ETHE1: variants seen among roughly 807,000 people sequenced by gnomAD.
The protein encoded by ETHE1 is ETHE1 persulfide dioxygenase.
A neutral mutation model predicts 25.7 loss-of-function variants in ETHE1; 16 were observed. That is an observed-to-expected ratio of 0.62 (90% CI 0.42 to 0.95). The LOEUF is 0.95. Ranked by LOEUF, ETHE1 falls within the 40% of genes least tolerant of loss-of-function variation. ETHE1 has a pLI of 0.00. For missense variants in ETHE1, 300 were observed against 333.6 expected (o/e 0.90, Z 0.79); for synonymous variants, 139 against 135.9 (o/e 1.02, Z -0.16).
intron 3 of ETHE1, among the ~76,000 whole-genome samples, chr19:43,519,771 G>A (rs1254966452): frequency 1.3e-5 from 2 of 152,058 alleles, no homozygotes. Flanking sequence ...ATCTGCCTGG[G>A]ATACATTTCA....
intron 3 of ETHE1, among the ~76,000 whole-genome samples, chr19:43,519,076 C>T (rs1376026656): frequency 7.9e-6 from 1 of 127,022 alleles, no homozygotes. Flanking sequence ...GTGGTGCGAT[C>T]TCGTCTCACT....
chr19:43,521,151 G>A (rs897877090), intron 3 of ETHE1, among the ~76,000 whole-genome samples: 2 of 152,004 alleles, frequency 1.3e-5, no homozygotes, highest in African/African-American at 4.8e-5. Flanking sequence ...TGGCAGTATG[G>A]CGAAACCCCA....
chr19:43,512,885 C>G (rs538838543), intron 3 of ETHE1, among the ~76,000 whole-genome samples: 21 of 152,206 alleles, frequency 1.4e-4, no homozygotes, highest in Non-Finnish European at 2.8e-4. Context: ...CAGCCTCTCC[C>G]AACACAGGTC....
chr19:43,517,655 A>AATCCC (rs1178114261), intron 3 of ETHE1, among the ~76,000 whole-genome samples: 1 of 151,906 alleles, frequency 6.6e-6, no homozygotes, highest in African/African-American at 2.4e-5. Context: ...TGATGTCTGT[A>AATCCC]ATCCCAGCTA....
chr19:43,509,397 T>C (rs1971860847), intron 4 of ETHE1, among the ~76,000 whole-genome samples: 1 of 151,320 alleles, frequency 6.6e-6, no homozygotes, highest in Non-Finnish European at 1.5e-5. Context: ...TTTGGGAGGC[T>C]GAGGCAGGAG....
intron 3 of ETHE1, among the ~76,000 whole-genome samples, chr19:43,521,156 AC>A (rs1418924279): frequency 6.6e-6 from 1 of 151,954 alleles, no homozygotes; most frequent in East Asian, 1.9e-4. Context: ...GTATGGCGAA[AC>A]CCCATCTCTA....
rs199827754 is a variant in ETHE1 at position 43,526,298 on chromosome 19, G to A, written c.278C>T (p.Ser93Phe). The change falls in exon 3 of 7, where the codon TCC (serine) becomes TTC (phenylalanine). Residue 93 changes from serine (S) to phenylalanine (F), a missense_variant. By Grantham distance (155) the Ser-to-Phe change is radical. Transcript: ENST00000292147. ...DHITGSGLLR[S>F]LLPGCQSVIS... ...GACAGACTGGCAGCCAGGGAGGAGG[G>A]AACGGAGCAGCCCCGAGCCTGTAAT... 2.6e-4 allele frequency: 415 copies of A among 1,614,002 alleles called. 2 individuals are homozygous for A. Among genetic ancestry groups the A allele is most frequent in the Admixed American group, 1.4e-3 (82 of 59,990 alleles).
At chr19:43,521,483 G>A (rs575617913) in intron 3 of ETHE1, among the ~76,000 whole-genome samples, 46 of 152,172 alleles carry the variant, frequency 3.0e-4, no homozygotes, top group African/African-American at 1.0e-3. Flanking sequence ...CCTAGAAGGG[G>A]AACCTCTGGG....
At chr19:43,520,001 C>T (rs1972108052) in intron 3 of ETHE1, among the ~76,000 whole-genome samples, 1 of 150,882 alleles carries the variant, frequency 6.6e-6, no homozygotes, top group Non-Finnish European at 1.5e-5. Context: ...ATCACCTTAG[C>T]CAGGGTTCAA....
Position 43,506,732 on chromosome 19 carries a change from A to T in ETHE1, c.*118T>A. On this transcript the variant is annotated 3_prime_UTR_variant, in exon 7 of 7. Coordinates refer to ENST00000292147, the MANE Select transcript of ETHE1 (RefSeq NM_014297.5). The stretch of plus-strand genomic sequence containing the variant: ...TAGAAGTCAGACTCACGTTAAAAAA[A>T]GTTTTATTTAGGGAGCTCCAGGGAA... 1.0e-6 allele frequency: 1 copy of T among 997,558 alleles called. No homozygotes were observed. Among genetic ancestry groups the T allele is most frequent in the Non-Finnish European group, 1.6e-6 (1 of 634,978 alleles). 61.8% of individuals were successfully genotyped at this position (997,558 alleles called of 1,614,324 possible). A position where few individuals can be genotyped will look rare whatever the true frequency, so the allele number is the denominator to read the frequency against.
intron 3 of ETHE1, among the ~76,000 whole-genome samples, chr19:43,517,047 C>T (rs1051407345): frequency 2.6e-5 from 4 of 151,732 alleles, no homozygotes; most frequent in Non-Finnish European, 5.9e-5. Flanking sequence ...TGGTCTTGAA[C>T]TCCTGGCCTC....
In ETHE1 at chr19:43,508,346, C is replaced by CTTTTT. The variant is rs397933393; in HGVS notation, c.596-291_596-287dup. ...CACAGCAGGCTCAAGCACTTTATCT[C>CTTTTT]TTTTTTTTTTTTTTTTTTTGAGACA... On this transcript the variant is annotated intron_variant, in intron 5 of 6. Transcript: ENST00000292147. Among the ~76,000 whole-genome samples, 12,907 of 124,316 alleles carry CTTTTT rather than the reference C, an allele frequency of 0.1. 925 individuals carry two copies. The highest frequency in any genetic ancestry group is 0.16 in the Non-Finnish European group (9,757 of 61,358). 81.6% of individuals were successfully genotyped at this position (124,316 alleles called of 152,430 possible).
At chr19:43,519,302 G>A (rs1486855998) in intron 3 of ETHE1, among the ~76,000 whole-genome samples, 3 of 152,016 alleles carry the variant, frequency 2.0e-5, no homozygotes, top group African/African-American at 7.2e-5. Context: ...GTGAGCCACC[G>A]CGCCCGGCCT....
intron 5 of ETHE1, 30 bp downstream of exon 5, chr19:43,508,745 C>A (rs372131974): frequency 4.0e-6 from 6 of 1,508,076 alleles, no homozygotes; most frequent in Non-Finnish European, 9.1e-7. Flanking sequence ...AAGTTATGTA[C>A]GCCCCACACC....
At chr19:43,519,196 G>C (rs893027926) in intron 3 of ETHE1, among the ~76,000 whole-genome samples, 3 of 151,534 alleles carry the variant, frequency 2.0e-5, no homozygotes, top group Admixed American at 1.3e-4. Context: ...ATTTTTAGTA[G>C]GGACGGGGTT....
In ETHE1 at chr19:43,508,063, A is replaced by G; in HGVS notation, c.596-3T>C. ...CTCCACGGTGGACACTGTGAACCCTAGGGGCCAAGGGAGGGGAAGGAAAGT... is the reference window on the plus strand; with the variant it reads ...CTCCACGGTGGACACTGTGAACCCTGGGGGCCAAGGGAGGGGAAGGAAAGT... On this transcript the variant is annotated splice_polypyrimidine_tract_variant and splice_region_variant and intron_variant, in intron 5 of 6. Coordinates refer to ENST00000292147, the MANE Select transcript of ETHE1 (RefSeq NM_014297.5). 6.2e-7 allele frequency: 1 copy of G among 1,613,614 alleles called. No individual in the cohort carries two copies. Among genetic ancestry groups the G allele is most frequent in the South Asian group, 1.1e-5 (1 of 91,018 alleles).
At chr19:43,515,823 G>T in intron 3 of ETHE1, among the ~76,000 whole-genome samples, 1 of 152,080 alleles carries the variant, frequency 6.6e-6, no homozygotes, top group East Asian at 1.9e-4. Flanking sequence ...TGATTCACCC[G>T]CCTCAGGCTC....
At chr19:43,508,641 C>T (rs1466947750) in intron 5 of ETHE1, 134 bp downstream of exon 5, 3 of 796,288 alleles carry the variant, frequency 3.8e-6, no homozygotes, top group South Asian at 2.9e-5. Context: ...CCTTGCCCAG[C>T]CTCAAACACT....
At chr19:43,510,584 C>T (rs1361916219) in intron 4 of ETHE1, among the ~76,000 whole-genome samples, 15 of 151,760 alleles carry the variant, frequency 9.9e-5, no homozygotes, top group African/African-American at 3.1e-4. Context: ...CCACCTGCCT[C>T]GGCCTCCCAA....
Sources: allele counts gnomAD v4.1 joint callset (sites outside exome capture counted in the v4.1 genomes callset), GRCh38; gene constraint gnomAD v4.1.1; transcripts MANE v1.5; gene names NCBI Gene and HGNC (gene_info 2026-07-23, HGNC 2026-07-21).